The following RAB38 variants were observed in gnomAD, a reference collection of about 807,000 sequenced individuals.
RAB38 encodes RAB38, member RAS oncogene family.
A neutral mutation model predicts 18.4 loss-of-function variants in RAB38; 15 were observed. That is an observed-to-expected ratio of 0.82 (90% CI 0.55 to 1.26). The LOEUF is 1.26. Among genes scored for constraint, RAB38 ranks in the 50% most tolerant of loss-of-function variants. The pLI is 0.00. For synonymous variants in RAB38, 101 were observed against 104.4 expected, an observed-to-expected ratio of 0.97 and a Z score of 0.20; for missense variants, 294 against 267.4, an observed-to-expected ratio of 1.10 and a Z score of -0.69.
chr11:88,074,763 C>G, the RAB38 span, among the ~76,000 whole-genome samples: 1 of 152,212 alleles, frequency 6.6e-6, no homozygotes, highest in Non-Finnish European at 1.5e-5. Flanking sequence ...CACAGGATAG[C>G]TGAATGAATT....
chr11:88,140,904 G>A (rs564064990), intron 2 of RAB38, among the ~76,000 whole-genome samples: 2 of 152,294 alleles, frequency 1.3e-5, no homozygotes, highest in Non-Finnish European at 2.9e-5. Flanking sequence ...TTCCAGAAAA[G>A]CTGATGAATT....
At chr11:88,174,033 G>C (rs547897634) in intron 1 of RAB38, 1 of 985,294 alleles carries the variant, frequency 1.0e-6, no homozygotes, top group Non-Finnish European at 1.2e-6. Flanking sequence ...CACTTATAAC[G>C]AAAGGTTCCT....
At chr11:87,926,007 C>A in the RAB38 span, among the ~76,000 whole-genome samples, 1 of 151,658 alleles carries the variant, frequency 6.6e-6, no homozygotes. Flanking sequence ...GTCAGAATGC[C>A]CCTCTACCTC....
At chr11:88,095,510 AT>A in the RAB38 span, among the ~76,000 whole-genome samples, 35 of 151,962 alleles carry the variant, frequency 2.3e-4, 1 homozygote, top group Admixed American at 8.5e-4. Flanking sequence ...TACTCCTTTC[AT>A]TCTTCTATGC....
At chr11:87,887,540 G>A in the RAB38 span, among the ~76,000 whole-genome samples, 1 of 151,884 alleles carries the variant, frequency 6.6e-6, no homozygotes, top group African/African-American at 2.4e-5. Flanking sequence ...GTATGAATTA[G>A]GGCAAATTAT....
chr11:88,069,191 C>T, the RAB38 span, among the ~76,000 whole-genome samples: 5 of 152,214 alleles, frequency 3.3e-5, no homozygotes, highest in African/African-American at 7.2e-5. Flanking sequence ...GCTTAGCACC[C>T]GGGCCAGGAG....
intron 2 of RAB38, among the ~76,000 whole-genome samples, chr11:88,139,374 C>T (rs978057848): frequency 6.6e-6 from 1 of 152,174 alleles, no homozygotes; most frequent in Non-Finnish European, 1.5e-5. Context: ...AAAGAAGCTG[C>T]ATCACTCACA....
the RAB38 span, among the ~76,000 whole-genome samples, chr11:87,859,063 T>C: frequency 4.0e-5 from 6 of 151,838 alleles, no homozygotes; most frequent in African/African-American, 1.4e-4. Context: ...TGGAAAAGAA[T>C]AGACTCTTTA....
At chr11:88,089,149 T>C in the RAB38 span, among the ~76,000 whole-genome samples, 2 of 151,830 alleles carry the variant, frequency 1.3e-5, no homozygotes, top group East Asian at 1.9e-4. Flanking sequence ...CAGGGGCAGA[T>C]TGAATAAGGG....
At chr11:88,059,418 C>A in the RAB38 span, among the ~76,000 whole-genome samples, 1 of 152,216 alleles carries the variant, frequency 6.6e-6, no homozygotes, top group Middle Eastern at 3.4e-3. Flanking sequence ...GCAGTTATGC[C>A]TTTTATGTAA....
the RAB38 span, among the ~76,000 whole-genome samples, chr11:87,858,031 A>AT: frequency 4.6e-5 from 7 of 152,068 alleles, no homozygotes; most frequent in Non-Finnish European, 7.4e-5. Context: ...ACCTTGAATT[A>AT]TTTTTTGTAT....
the RAB38 span, among the ~76,000 whole-genome samples, chr11:87,912,141 G>A: frequency 6.6e-6 from 1 of 151,864 alleles, no homozygotes; most frequent in South Asian, 2.1e-4. Flanking sequence ...ATTTTCATAA[G>A]GGATAGTGGT....
chr11:87,868,967 G>C, the RAB38 span, among the ~76,000 whole-genome samples: 2 of 151,656 alleles, frequency 1.3e-5, no homozygotes, highest in East Asian at 3.9e-4. Context: ...AACCAAGACT[G>C]GAACTGTTTG....
At chr11:88,171,086 T>C (rs1304356941) in intron 1 of RAB38, among the ~76,000 whole-genome samples, 1 of 152,214 alleles carries the variant, frequency 6.6e-6, no homozygotes, top group Non-Finnish European at 1.5e-5. Flanking sequence ...GGAAAATGTA[T>C]GTGAAAACAG....
At chr11:87,907,463 AT>A in the RAB38 span, among the ~76,000 whole-genome samples, 4,582 of 148,158 alleles carry the variant, frequency 0.031, 223 homozygotes, top group African/African-American at 0.11. Flanking sequence ...TACAAAAAAA[AT>A]ATATTTTTTT....
chr11:88,148,157 G>C (rs1461023273), intron 2 of RAB38, among the ~76,000 whole-genome samples: 1 of 152,052 alleles, frequency 6.6e-6, no homozygotes, highest in African/African-American at 2.4e-5. Flanking sequence ...TGGCATACTG[G>C]GGTCTCAAAA....
intron 1 of RAB38, among the ~76,000 whole-genome samples, chr11:88,162,659 T>A (rs144777013): frequency 2.0e-5 from 3 of 152,066 alleles, no homozygotes; most frequent in African/African-American, 7.2e-5. Context: ...TAGGAACATA[T>A]AACTAGAACA....
chr11:88,041,741 C>A, the RAB38 span, among the ~76,000 whole-genome samples: 2 of 152,228 alleles, frequency 1.3e-5, no homozygotes, highest in Admixed American at 6.5e-5. Context: ...AGAAAAAGCA[C>A]CTAGATAAGG....
the RAB38 span, among the ~76,000 whole-genome samples, chr11:88,054,924 C>T: frequency 6.6e-6 from 1 of 152,118 alleles, no homozygotes; most frequent in African/African-American, 2.4e-5. Context: ...TTGTCTGGTT[C>T]TAAATTTCAC....
Sources: gnomAD v4.1 joint callset for allele counts (sites outside exome capture counted in the v4.1 genomes callset) on GRCh38, gnomAD v4.1.1 for gene constraint, MANE v1.5 for transcripts, NCBI Gene and HGNC (gene_info 2026-07-23, HGNC 2026-07-21) for gene names.